The following NELL1 variants were observed in gnomAD, a reference collection of about 807,000 sequenced individuals.
NELL1 encodes the protein neural EGFL like 1, also known as protein kinase C-binding protein NELL1.
A neutral mutation model predicts 107.4 loss-of-function variants in NELL1; 76 were observed. The ratio of observed to expected loss-of-function variants is 0.71; its 90% CI spans 0.59 to 0.86. The LOEUF (loss-of-function observed/expected upper bound fraction) is 0.86. Ranked by LOEUF, NELL1 falls within the 40% of genes least tolerant of loss-of-function variation. NELL1 has a pLI of 0.00. For synonymous variants in NELL1, 353 were observed against 341.2 expected, an observed-to-expected ratio of 1.03 and a Z score of -0.38; for missense variants, 1,024 against 1,005.5, an observed-to-expected ratio of 1.02 and a Z score of -0.25.
intron 13 of NELL1, among the ~76,000 whole-genome samples, chr11:21,223,536 A>G (rs1857815408): frequency 6.6e-6 from 1 of 152,152 alleles, no homozygotes; most frequent in African/African-American, 2.4e-5. Flanking sequence ...ATATATTTTA[A>G]CTGGGAAATC....
rs149317928 is a variant in NELL1, at chr11:21,543,987, A to T, written c.1786+9473A>T. On this transcript the variant is annotated intron_variant, in intron 16 of 19. Transcript: ENST00000357134. Reference sequence around the variant, plus strand: ...AGCAGTAGGGTCTGTCCTGTAAGCCATTATGAACCTGTCTATTATCTTTTC... The same window carrying T: ...AGCAGTAGGGTCTGTCCTGTAAGCCTTTATGAACCTGTCTATTATCTTTTC... Among the ~76,000 whole-genome samples, 229 of 152,104 alleles carry T rather than the reference A, an allele frequency of 1.5e-3. 1 individual carries two copies. The highest frequency in any genetic ancestry group is 2.9e-3 in the Non-Finnish European group (197 of 67,946).
At chr11:20,686,649 T>G (rs1854312306) in intron 2 of NELL1, among the ~76,000 whole-genome samples, 1 of 152,186 alleles carries the variant, frequency 6.6e-6, no homozygotes, top group African/African-American at 2.4e-5. Flanking sequence ...ATTTGGCCAC[T>G]GTGGCTGAAA....
intron 15 of NELL1, among the ~76,000 whole-genome samples, chr11:21,464,665 G>A (rs10833544): frequency 0.35 from 52,680 of 151,934 alleles, 10,082 homozygotes; most frequent in East Asian, 0.43. Flanking sequence ...GTTGAGGCTG[G>A]CTGCATTGAG....
At chr11:21,491,159 C>G (rs1418977391) in intron 15 of NELL1, among the ~76,000 whole-genome samples, 6 of 152,118 alleles carry the variant, frequency 3.9e-5, no homozygotes. Context: ...CCTGTTCACT[C>G]TGATGGTAGT....
chr11:20,902,041 G>C (rs1246022465), intron 5 of NELL1, among the ~76,000 whole-genome samples: 1 of 152,002 alleles, frequency 6.6e-6, no homozygotes, highest in Non-Finnish European at 1.5e-5. Flanking sequence ...ATACCTAACT[G>C]AAAGCTCAAT....
intron 2 of NELL1, among the ~76,000 whole-genome samples, chr11:20,751,132 T>C (rs1023407381): frequency 6.6e-6 from 1 of 152,180 alleles, no homozygotes; most frequent in Admixed American, 6.5e-5. Flanking sequence ...ATTACTGCAG[T>C]TTTATGGTAA....
chr11:21,456,067 A>AT (rs940222608), intron 15 of NELL1, among the ~76,000 whole-genome samples: 1 of 151,074 alleles, frequency 6.6e-6, no homozygotes. Context: ...AATTATTTGT[A>AT]TTTTTTATAC....
intron 4 of NELL1, among the ~76,000 whole-genome samples, chr11:20,850,054 CAAAT>C (rs1447781414): frequency 6.6e-6 from 1 of 152,100 alleles, no homozygotes; most frequent in Non-Finnish European, 1.5e-5. Context: ...TGGGCTACAA[CAAAT>C]AAATGAAGTC....
At chr11:21,441,330 CGTGTGTGTGTG>C (rs879251416) in intron 15 of NELL1, among the ~76,000 whole-genome samples, 1 of 140,150 alleles carries the variant, frequency 7.1e-6, no homozygotes, top group African/African-American at 2.5e-5. Flanking sequence ...GAGGCTGTGA[CGTGTGTGTGTG>C]TGTGTGTGTG....
At chr11:21,007,116 T>C (rs978688350) in intron 12 of NELL1, among the ~76,000 whole-genome samples, 10 of 152,048 alleles carry the variant, frequency 6.6e-5, no homozygotes, top group Middle Eastern at 3.2e-3. Context: ...AGGATTCTAT[T>C]CCAGACTTAA....
chr11:20,810,308 G>C (rs1564918295), intron 3 of NELL1, among the ~76,000 whole-genome samples: 1 of 151,968 alleles, frequency 6.6e-6, no homozygotes, highest in Non-Finnish European at 1.5e-5. Context: ...GTGAGATTTT[G>C]GTGCACCCAT....
chr11:21,258,504 G>A (rs192899589), intron 14 of NELL1, among the ~76,000 whole-genome samples: 4 of 152,078 alleles, frequency 2.6e-5, no homozygotes, highest in Admixed American at 6.6e-5. Context: ...AGGCTGGCAA[G>A]TCCTAAATTT....
intron 16 of NELL1, among the ~76,000 whole-genome samples, chr11:21,559,216 C>T (rs759499372): frequency 2.6e-5 from 4 of 152,104 alleles, no homozygotes; most frequent in Non-Finnish European, 1.5e-5. Flanking sequence ...ACCAAGTAGA[C>T]TAGTAGACAC....
In NELL1 at chr11:21,281,523, A is replaced by G. The variant is rs144660202; in HGVS notation, c.1549+52069A>G. Among the ~76,000 whole-genome samples the G allele has an allele frequency of 1.3e-3, 203 of 152,262 alleles. 3 individuals carry two copies. In the Middle Eastern group the frequency reaches 0.014, roughly 10 times the overall value. On this transcript the variant is annotated intron_variant, in intron 14 of 19. Coordinates refer to ENST00000357134, the MANE Select transcript of NELL1 (RefSeq NM_006157.5). ...GGATGCAAGCCTGGCTGGCTTCACT[A>G]TCCACAGATTGTAGACCCAGGGCCT...
chr11:20,857,606 C>T (rs972348186), intron 4 of NELL1, among the ~76,000 whole-genome samples: 8 of 152,308 alleles, frequency 5.3e-5, no homozygotes, highest in Admixed American at 2.6e-4. Flanking sequence ...CAAGAAGGAA[C>T]GCATCTTCAC....
intron 14 of NELL1, among the ~76,000 whole-genome samples, chr11:21,324,536 T>C (rs1390861878): frequency 6.6e-6 from 1 of 152,110 alleles, no homozygotes; most frequent in Non-Finnish European, 1.5e-5. Flanking sequence ...GAAACCCTAG[T>C]GGCAACTTCC....
At chr11:21,106,710 T>C (rs769820596) in intron 12 of NELL1, among the ~76,000 whole-genome samples, 1 of 152,178 alleles carries the variant, frequency 6.6e-6, no homozygotes, top group Admixed American at 6.5e-5. Context: ...GGTTTGCATA[T>C]ATATTTTTTT....
At chr11:21,381,014 T>C (rs1038560073) in intron 15 of NELL1, among the ~76,000 whole-genome samples, 3 of 152,046 alleles carry the variant, frequency 2.0e-5, no homozygotes, top group African/African-American at 4.8e-5. Flanking sequence ...TTTGGACATA[T>C]ATGAGGACAT....
chr11:21,242,406 TC>T (rs1858387099), intron 14 of NELL1, among the ~76,000 whole-genome samples: 1 of 152,058 alleles, frequency 6.6e-6, no homozygotes, highest in Non-Finnish European at 1.5e-5. Flanking sequence ...ATCACTTTTG[TC>T]TTGCATTGAA....
Sources: gnomAD v4.1 joint callset for allele counts (sites outside exome capture counted in the v4.1 genomes callset) on GRCh38, gnomAD v4.1.1 for gene constraint, MANE v1.5 for transcripts, NCBI Gene and HGNC (gene_info 2026-07-23, HGNC 2026-07-21) for gene names.